Variants in ETV3 observed in about 807,000 individuals in gnomAD.
ETV3 encodes ETS variant transcription factor 3, also known as ETS translocation variant 3.
A neutral mutation model predicts 33.0 loss-of-function variants in ETV3; 8 were observed. The observed-to-expected ratio is 0.24, with a 90% CI of 0.14 to 0.44. ETV3 has a LOEUF of 0.44. Among genes scored for constraint, ETV3 ranks in the 20% least tolerant of loss-of-function variants. The pLI is 1.00. For synonymous variants in ETV3, 222 were observed against 238.9 expected (o/e 0.93, Z 0.65); for missense variants, 473 against 652.3 (o/e 0.73, Z 2.99).
chr1:157,133,985 A>T, intron 4 of ETV3, 127 bp downstream of exon 4: 1 of 1,472,612 alleles, frequency 6.8e-7, no homozygotes, highest in African/African-American at 1.4e-5. Context: ...ACATTGAGGC[A>T]ATCCAAAGGA....
At chr1:157,135,859 G>A (rs754811103) in intron 2 of ETV3, 151 bp from the exon 3 acceptor site, 5 of 756,776 alleles carry the variant, frequency 6.6e-6, no homozygotes, top group Non-Finnish European at 1.1e-5. Context: ...CCACAATGGG[G>A]AGAGGAAAGC....
In ETV3 at chr1:157,121,578, CCCT is replaced by C. The variant is rs1255999896; in HGVS notation, c.*3260_*3262del. The C allele has an allele frequency of 3.3e-5, 5 of 152,228 alleles. No individual in the cohort carries two copies. The highest frequency in any genetic ancestry group is 7.2e-5 in the African/African-American group (3 of 41,546). The allele number at this position is 152,228 out of a possible 1,614,324, so 9.4% of individuals were successfully genotyped here. On this transcript the variant is annotated 3_prime_UTR_variant, in exon 5 of 5. Transcript: ENST00000368192. Reference sequence around the variant, plus strand: ...CAAATTAACTGGTAACTTTTTATCCCCCTAAGAAGAAACCAAGAATGGAACAGT... The same window carrying C: ...CAAATTAACTGGTAACTTTTTATCCCAAGAAGAAACCAAGAATGGAACAGT...
chr1:157,121,464 AG>A lies in ETV3; in HGVS notation c.*3376del, dbSNP rs1303977219. ...CTTTACTCTGCTCAAGCAGGTAACTAGTGAAGTCACCTTTCACATGTAAATG... is the reference window on the plus strand; with the variant it reads ...CTTTACTCTGCTCAAGCAGGTAACTATGAAGTCACCTTTCACATGTAAATG... On this transcript the variant is annotated 3_prime_UTR_variant, in exon 5 of 5. Transcript: ENST00000368192. The A allele has an allele frequency of 6.6e-6, 1 of 152,230 alleles. No homozygotes were observed. The highest frequency in any genetic ancestry group is 1.5e-5 in the Non-Finnish European group (1 of 68,044). 9.4% of individuals were successfully genotyped at this position (152,230 alleles called of 1,614,324 possible).
chr1:157,126,453 C>T (rs1207747542), intron 4 of ETV3, among the ~76,000 whole-genome samples: 4 of 152,076 alleles, frequency 2.6e-5, no homozygotes, highest in African/African-American at 7.2e-5. Flanking sequence ...ATAATTTTGG[C>T]CATATATATA....
chr1:157,121,607 T>C lies in ETV3; in HGVS notation c.*3234A>G, dbSNP rs941240738. On this transcript the variant is annotated 3_prime_UTR_variant, in exon 5 of 5. Transcript: ENST00000368192. ...AAGAAGAAACCAAGAATGGAACAGT[T>C]CTTGAAAGATTGAATCAAAGTTGTC... The C allele has an allele frequency of 6.6e-6, 1 of 152,232 alleles. No individual in the cohort carries two copies. Among genetic ancestry groups the C allele is most frequent in the Non-Finnish European group, 1.5e-5 (1 of 68,048 alleles). The allele number at this position is 152,232 out of a possible 1,614,324, so 9.4% of individuals were successfully genotyped here.
intron 1 of ETV3, among the ~76,000 whole-genome samples, chr1:157,137,677 C>G (rs1315608977): frequency 6.6e-6 from 1 of 152,014 alleles, no homozygotes; most frequent in Non-Finnish European, 1.5e-5. Flanking sequence ...GGACTCTTAA[C>G]TCCTAGGATG....
At chr1:157,134,354 C>T (rs894702499) in intron 3 of ETV3, 127 bp from the exon 4 acceptor site, 23 of 1,230,090 alleles carry the variant, frequency 1.9e-5, no homozygotes, top group Admixed American at 9.2e-5. Flanking sequence ...ACCAATCTTT[C>T]GCAGCCTGGC....
In ETV3 at chr1:157,132,355, A is replaced by G. The variant is rs1199600652; in HGVS notation, c.400+1757T>C. Among the ~76,000 whole-genome samples, 3 of 152,160 alleles carry G rather than the reference A, an allele frequency of 2.0e-5. No individual in the cohort carries two copies. The East Asian group carries it at 5.8e-4, about 29-fold the overall frequency. ...TGGGCCACTATTGTTAGGTTTCTAG[A>G]TCAGATTCTTCACAGAGTGAGGATC... On this transcript the variant is annotated intron_variant, in intron 4 of 4. Coordinates refer to ENST00000368192, the MANE Select transcript of ETV3 (RefSeq NM_001145312.3).
At chr1:157,136,232 A>G in intron 2 of ETV3, 75 bp downstream of exon 2, 1 of 1,377,314 alleles carries the variant, frequency 7.3e-7, no homozygotes, top group Non-Finnish European at 1.0e-6. Flanking sequence ...ATTTGTGAAC[A>G]GAGCTCAAGT....
chr1:157,137,940 C>T (rs1675161117), intron 1 of ETV3, among the ~76,000 whole-genome samples: 1 of 152,214 alleles, frequency 6.6e-6, no homozygotes, highest in East Asian at 1.9e-4. Flanking sequence ...ACCACAGGAC[C>T]CCTGCCCTTC....
Position 157,124,964 on chromosome 1 carries a change from G to C in ETV3, c.1416C>G (p.Pro472=). The C allele has an allele frequency of 6.4e-7, 1 of 1,551,830 alleles. No homozygotes were observed. The highest frequency in any genetic ancestry group is 8.7e-7 in the Non-Finnish European group (1 of 1,147,046). Residue 472 remains proline, a synonymous_variant, in exon 5 of 5, where the codon CCC becomes CCG. Transcript: ENST00000368192. ...TCCAGCGCCGCTTCAACCGAAGCTT[G>C]GGGGGCATCAGTGCATCTTCTTTCT... ...PEKKEDALMP[P]KLRLKRRWND... is the part of the protein sequence containing the mutation.
chr1:157,135,343 A>G (rs1230620205), intron 3 of ETV3, 128 bp downstream of exon 3: 1 of 1,152,930 alleles, frequency 8.7e-7, no homozygotes, highest in Non-Finnish European at 1.2e-6. Context: ...CTCCCACTTT[A>G]AAGTGACACA....
Position 157,124,238 on chromosome 1 carries a change from C to CAAAAAAAAA in ETV3, c.*594_*602dup. On this transcript the variant is annotated 3_prime_UTR_variant, in exon 5 of 5. Transcript: ENST00000368192. Reference sequence around the variant, plus strand: ...GAAAAAAATGCCAAACAACACCAACCAAAAAAAAAAAAAAAAAAAAAAGAA... The same window carrying CAAAAAAAAA: ...GAAAAAAATGCCAAACAACACCAACCAAAAAAAAAAAAAAAAAAAAAAAAAAAAAAAGAA... The CAAAAAAAAA allele has an allele frequency of 1.5e-5, 1 of 67,688 alleles. No homozygotes were observed. The highest frequency in any genetic ancestry group is 1.6e-4 in the Admixed American group (1 of 6,284). The allele number at this position is 67,688 out of a possible 1,614,324, so 4.2% of individuals were successfully genotyped here. A position where few individuals can be genotyped will look rare whatever the true frequency, so the allele number is the denominator to read the frequency against.
intron 4 of ETV3, chr1:157,133,789 C>G (rs758076545): frequency 4.0e-5 from 43 of 1,069,518 alleles, no homozygotes; most frequent in Non-Finnish European, 4.7e-5. Context: ...GGTGTTAAAA[C>G]TGAGTCCTGA....
intron 3 of ETV3, 136 bp downstream of exon 3, chr1:157,135,335 C>T (rs2231853): frequency 9.3e-7 from 1 of 1,074,514 alleles, no homozygotes; most frequent in Non-Finnish European, 1.4e-6. Flanking sequence ...CTCTTCTACT[C>T]CCACTTTAAA....
chr1:157,136,918 TCCCTCC>T (rs1675126657), intron 1 of ETV3, among the ~76,000 whole-genome samples: 1 of 152,078 alleles, frequency 6.6e-6, no homozygotes, highest in African/African-American at 2.4e-5. Context: ...CACAAACTGC[TCCCTCC>T]CCCTTGAAAA....
rs191210861 is a variant in ETV3, at chr1:157,122,098, A to G, written c.*2743T>C. On this transcript the variant is annotated 3_prime_UTR_variant, in exon 5 of 5. Coordinates refer to ENST00000368192, the MANE Select transcript of ETV3 (RefSeq NM_001145312.3). ...TTTGGCACAGCAAAATTTGGAAAAA[A>G]TGGGGGAGAAAAAATAGGTCTGGTT... 1.4e-4 allele frequency: 22 copies of G among 152,334 alleles called. No individual in the cohort carries two copies. The highest frequency in any genetic ancestry group is 3.9e-4 in the Admixed American group (6 of 15,306). 9.4% of individuals were successfully genotyped at this position (152,334 alleles called of 1,614,324 possible).
intron 4 of ETV3, among the ~76,000 whole-genome samples, chr1:157,126,199 T>TAC (rs1674831712): frequency 6.6e-6 from 1 of 152,206 alleles, no homozygotes; most frequent in African/African-American, 2.4e-5. Context: ...CAGTACTCCT[T>TAC]ACTGTCAAAA....
chr1:157,138,032 C>T (rs1304207919), intron 1 of ETV3, among the ~76,000 whole-genome samples: 1 of 152,192 alleles, frequency 6.6e-6, no homozygotes, highest in African/African-American at 2.4e-5. Context: ...CGGGTCCTGG[C>T]TTCCACAGCC....
Sources: allele counts gnomAD v4.1 joint callset (sites outside exome capture counted in the v4.1 genomes callset), GRCh38; gene constraint gnomAD v4.1.1; transcripts MANE v1.5; gene names NCBI Gene and HGNC (gene_info 2026-07-23, HGNC 2026-07-21).